Variants in GNPDA2 observed in about 807,000 individuals in gnomAD.
GNPDA2 encodes the protein glcN6P deaminase 2.
A neutral mutation model predicts 27.0 loss-of-function variants in GNPDA2; 24 were observed. The observed-to-expected ratio is 0.89, with a 90% confidence interval of 0.64 to 1.25. The LOEUF (loss-of-function observed/expected upper bound fraction) is 1.25. Among genes scored for constraint, GNPDA2 ranks in the 50% most tolerant of loss-of-function variants. GNPDA2 has a pLI of 0.00. For synonymous variants in GNPDA2, 94 were observed against 108.4 expected (o/e 0.87, Z 0.83); for missense variants, 286 against 335.1 (o/e 0.85, Z 1.14).
intron 4 of GNPDA2, among the ~76,000 whole-genome samples, chr4:44,711,625 C>G (rs149012501): frequency 5.3e-4 from 80 of 152,090 alleles, no homozygotes; most frequent in African/African-American, 1.9e-3. Context: ...TCTTTATAGT[C>G]ACACTTTAAT....
At chr4:44,717,974 T>C (rs1235226960) in intron 3 of GNPDA2, among the ~76,000 whole-genome samples, 1 of 151,820 alleles carries the variant, frequency 6.6e-6, no homozygotes, top group African/African-American at 2.4e-5. Context: ...ACAACACTGG[T>C]TTTAACTCTG....
intron 6 of GNPDA2, chr4:44,705,491 T>A (rs1466177097): frequency 6.1e-6 from 6 of 984,970 alleles, no homozygotes; most frequent in Non-Finnish European, 6.0e-6. Flanking sequence ...TCACGAATGG[T>A]CTGTTTCAAA....
At chr4:44,718,115 T>C (rs1717427258) in intron 3 of GNPDA2, among the ~76,000 whole-genome samples, 194 bp downstream of exon 3, 1 of 151,902 alleles carries the variant, frequency 6.6e-6, no homozygotes, top group Admixed American at 6.6e-5. Flanking sequence ...TATTCTGTGC[T>C]ACTATCACAA....
At chr4:44,709,114 T>G (rs1716805591) in intron 5 of GNPDA2, among the ~76,000 whole-genome samples, 1 of 151,972 alleles carries the variant, frequency 6.6e-6, no homozygotes. Context: ...AAAAAGGTAA[T>G]GGGACAGGTG....
chr4:44,709,815 GA>G (rs1378573408), intron 5 of GNPDA2, among the ~76,000 whole-genome samples: 2 of 147,626 alleles, frequency 1.4e-5, no homozygotes, highest in African/African-American at 5.0e-5. Context: ...AAAAAAAAAT[GA>G]AAAATTGAAA....
At chr4:44,711,371 A>G (rs1457727958) in intron 4 of GNPDA2, among the ~76,000 whole-genome samples, 1 of 152,168 alleles carries the variant, frequency 6.6e-6, no homozygotes, top group Non-Finnish European at 1.5e-5. Context: ...CCTTATATTA[A>G]TATAACATTT....
chr4:44,702,042 C>T lies in GNPDA2; in HGVS notation c.*1039G>A. Reference sequence around the variant, plus strand: ...GGCAAAGACATCTTTTAACCTAACTCTCCTAATGCATGATGGTAACAAACC... The same window carrying T: ...GGCAAAGACATCTTTTAACCTAACTTTCCTAATGCATGATGGTAACAAACC... On this transcript the variant is annotated 3_prime_UTR_variant, in exon 7 of 7. Coordinates refer to ENST00000295448, the MANE Select transcript of GNPDA2 (RefSeq NM_138335.3). 1 of 985,644 alleles carries T rather than the reference C, an allele frequency of 1.0e-6. No individual in the cohort carries two copies. The highest frequency in any genetic ancestry group is 4.7e-5 in the South Asian group (1 of 21,286). The allele number at this position is 985,644 out of a possible 1,614,324, so 61.1% of individuals were successfully genotyped here.
chr4:44,722,631 C>T (rs1717751134), intron 1 of GNPDA2, among the ~76,000 whole-genome samples: 2 of 152,208 alleles, frequency 1.3e-5, no homozygotes, highest in South Asian at 2.1e-4. Context: ...ACTATTTACA[C>T]AGTATTTACA....
chr4:44,724,491 C>T (rs1167770491), intron 1 of GNPDA2, among the ~76,000 whole-genome samples: 1 of 152,140 alleles, frequency 6.6e-6, no homozygotes, highest in African/African-American at 2.4e-5. Flanking sequence ...ACATTACCAT[C>T]AATAGTTTAT....
intron 1 of GNPDA2, among the ~76,000 whole-genome samples, chr4:44,724,036 G>A (rs1717850679): frequency 6.6e-6 from 1 of 152,176 alleles, no homozygotes; most frequent in African/African-American, 2.4e-5. Flanking sequence ...GTGGTGGAAG[G>A]CAGTCGATCG....
chr4:44,708,040 CA>C (rs1716722059), intron 5 of GNPDA2, 114 bp from the exon 6 acceptor site: 4 of 606,428 alleles, frequency 6.6e-6, no homozygotes, highest in Non-Finnish European at 1.1e-5. Flanking sequence ...AAGAAAAATA[CA>C]TAGCTCCACA....
At position 44,702,793 on chromosome 4, in the gene GNPDA2, A is replaced by T. The variant is rs1007882050; in HGVS notation, c.*288T>A. On this transcript the variant is annotated 3_prime_UTR_variant, in exon 7 of 7. Coordinates refer to ENST00000295448, the MANE Select transcript of GNPDA2 (RefSeq NM_138335.3). Reference sequence around the variant, plus strand: ...CCTGATGTGGACACTCTACCTTTAAAATGACTTTTTAAACAGGCAGACATT... The same window carrying T: ...CCTGATGTGGACACTCTACCTTTAATATGACTTTTTAAACAGGCAGACATT... 1.9e-4 allele frequency: 234 copies of T among 1,225,966 alleles called. No individual in the cohort carries two copies. Among genetic ancestry groups the T allele is most frequent in the Non-Finnish European group, 2.3e-4 (223 of 982,844 alleles). 75.9% of individuals were successfully genotyped at this position (1,225,966 alleles called of 1,614,324 possible).
At chr4:44,713,144 C>T (rs1030714820) in intron 4 of GNPDA2, among the ~76,000 whole-genome samples, 3 of 152,182 alleles carry the variant, frequency 2.0e-5, no homozygotes, top group African/African-American at 7.2e-5. Flanking sequence ...CACCTCCCAC[C>T]TTGTTCTCTT....
chr4:44,706,279 T>C (rs1560356748), intron 6 of GNPDA2: 1 of 146,134 alleles, frequency 6.8e-6, no homozygotes, highest in South Asian at 2.2e-4. Context: ...GTAATTTAAA[T>C]GGTAAAAATA....
rs554169248 is a variant in GNPDA2, at chr4:44,721,959, A to G, written c.124+125T>C. The stretch of plus-strand genomic sequence containing the variant: ...ATGCATTTTTCTGGCCTTTTATACT[A>G]TGATGTTCAATTAGTGACATGCCAA... On this transcript the variant is annotated intron_variant, in intron 2 of 6. Coordinates refer to ENST00000295448, the MANE Select transcript of GNPDA2 (RefSeq NM_138335.3). The G allele has an allele frequency of 2.5e-5, 18 of 711,662 alleles. No homozygotes were observed. In the African/African-American group the frequency reaches 2.9e-4, roughly 11 times the overall value. The allele number at this position is 711,662 out of a possible 1,614,324, so 44.1% of individuals were successfully genotyped here.
At chr4:44,725,287 C>T (rs1425588427) in intron 1 of GNPDA2, among the ~76,000 whole-genome samples, 1 of 152,164 alleles carries the variant, frequency 6.6e-6, no homozygotes, top group Non-Finnish European at 1.5e-5. Flanking sequence ...TTATTGCTGA[C>T]GTTAAAAAGT....
chr4:44,721,379 G>A (rs940548752), intron 2 of GNPDA2, among the ~76,000 whole-genome samples: 1 of 152,108 alleles, frequency 6.6e-6, no homozygotes, highest in Non-Finnish European at 1.5e-5. Context: ...AGGAAACCAA[G>A]GCTCAGGGGT....
At chr4:44,711,525 C>T (rs1444298933) in intron 4 of GNPDA2, among the ~76,000 whole-genome samples, 1 of 152,034 alleles carries the variant, frequency 6.6e-6, no homozygotes, top group Non-Finnish European at 1.5e-5. Context: ...AATTTTGATG[C>T]TCAAGAAAAA....
At chr4:44,704,635 C>A (rs1474486846) in intron 6 of GNPDA2, 1 of 861,704 alleles carries the variant, frequency 1.2e-6, no homozygotes. Context: ...TGACAACTTT[C>A]TACATACGAA....
Sources: gnomAD v4.1 joint callset for allele counts (sites outside exome capture counted in the v4.1 genomes callset) on GRCh38, gnomAD v4.1.1 for gene constraint, MANE v1.5 for transcripts, NCBI Gene and HGNC (gene_info 2026-07-23, HGNC 2026-07-21) for gene names.